The following SARS1 variants were observed in gnomAD, a reference collection of about 807,000 sequenced individuals.
SARS1 encodes serine--tRNA ligase, cytoplasmic.
Under a neutral mutation model 63.7 loss-of-function variants are expected in SARS1, and 25 were observed. The ratio of observed to expected loss-of-function variants is 0.39; its 90% confidence interval spans 0.29 to 0.55. SARS1 has a LOEUF of 0.55. SARS1 is among the 20% of genes least tolerant of loss of function. The pLI is 0.62. For missense variants in SARS1, 417 were observed against 649.7 expected (o/e 0.64, Z 3.89); for synonymous variants, 231 against 243.5 (o/e 0.95, Z 0.48).
chr1:109,231,411 T>C (rs1655208294), intron 5 of SARS1: 6 of 374,376 alleles, frequency 1.6e-5, no homozygotes, highest in Non-Finnish European at 2.8e-5. Flanking sequence ...TCAGGATAAT[T>C]CTCTTAACGG....
intron 2 of SARS1, among the ~76,000 whole-genome samples, chr1:109,225,703 A>G (rs564628221): frequency 1.3e-5 from 2 of 152,208 alleles, no homozygotes; most frequent in Non-Finnish European, 2.9e-5. Flanking sequence ...TGGAGTGCAG[A>G]TAGTACATTT....
In SARS1 at chr1:109,235,448, G is replaced by T; in HGVS notation, c.969+17G>T. ...TTTGAGAAGGTGAGTAGATGGGTCA[G>T]GGTAAGGAGTGGAACTTTCTCTGTC... is the stretch of plus-strand genomic sequence containing the variant. On this transcript the variant is annotated intron_variant, in intron 7 of 10. Transcript: ENST00000234677. This position sits in a 1 kb window ranked among gnomAD's most constrained non-coding sequence, Gnocchi z 4.7. The T allele has an allele frequency of 6.3e-7, 1 of 1,594,596 alleles. No individual in the cohort carries two copies. Among genetic ancestry groups the T allele is most frequent in the East Asian group, 2.2e-5 (1 of 44,712 alleles).
chr1:109,220,669 TTC>T (rs1179750247), intron 1 of SARS1, among the ~76,000 whole-genome samples: 1 of 152,248 alleles, frequency 6.6e-6, no homozygotes, highest in East Asian at 1.9e-4. Flanking sequence ...TGCCTTTTCA[TTC>T]TTTCAGTCTT....
At chr1:109,221,061 CT>C (rs1164086091) in intron 1 of SARS1, among the ~76,000 whole-genome samples, 236 of 139,080 alleles carry the variant, frequency 1.7e-3, no homozygotes, top group Admixed American at 2.5e-3. Flanking sequence ...CTTTTCTTCT[CT>C]TTTTTTTTTT....
In SARS1 at chr1:109,237,584, G is replaced by T; in HGVS notation, c.1388-147G>T. On this transcript the variant is annotated intron_variant, in intron 10 of 10. Transcript: ENST00000234677. This position sits in a 1 kb window ranked among gnomAD's most constrained non-coding sequence, Gnocchi z 4.1. ...TGAAATGCTGCTAAAATTCAGACTA[G>T]GGAAGAAAAGAATAAAGGAAACCAG... 1 of 1,114,348 alleles carries T rather than the reference G, an allele frequency of 9.0e-7. No homozygotes were observed. Among genetic ancestry groups the T allele is most frequent in the East Asian group, 2.5e-5 (1 of 40,142 alleles). 69.0% of individuals were successfully genotyped at this position (1,114,348 alleles called of 1,614,324 possible).
Position 109,221,994 on chromosome 1 carries a change from ATATATATATATATATATTT to A in SARS1, c.137-1982_137-1964del, listed in dbSNP as rs1269737925. On this transcript the variant is annotated intron_variant, in intron 1 of 10. Transcript: ENST00000234677. ...TGTATATATATATATATATATATAT[ATATATATATATATATATTT>A]TTTTTTTTTTTTTTTTTTTTTTTTT... is the stretch of plus-strand genomic sequence containing the variant. Among the ~76,000 whole-genome samples, 92 of 23,512 alleles carry A rather than the reference ATATATATATATATATATTT, an allele frequency of 3.9e-3. 3 individuals carry two copies. Among genetic ancestry groups the A allele is most frequent in the African/African-American group, 0.025 (91 of 3,710 alleles). 15.4% of individuals were successfully genotyped at this position (23,512 alleles called of 152,430 possible).
intron 1 of SARS1, chr1:109,215,604 C>T (rs1039875332): frequency 1.0e-6 from 1 of 982,352 alleles, no homozygotes; most frequent in African/African-American, 1.7e-5. Flanking sequence ...TATTTTCTGT[C>T]TTCAGGGCAC....
intron 5 of SARS1, 58 bp downstream of exon 5, chr1:109,231,079 ATATATT>A: frequency 1.1e-5 from 11 of 976,158 alleles, no homozygotes; most frequent in Non-Finnish European, 1.3e-5. Flanking sequence ...ATATATATAT[ATATATT>A]TTTTTTTTTT....
At chr1:109,221,985 T>C (rs1557715297) in intron 1 of SARS1, among the ~76,000 whole-genome samples, 327 of 7,602 alleles carry the variant, frequency 0.043, 1 homozygote, top group Non-Finnish European at 0.082. Context: ...TATATATATA[T>C]ATATATATAT....
At chr1:109,224,751 A>G (rs1407928840) in intron 2 of SARS1, among the ~76,000 whole-genome samples, 2 of 152,184 alleles carry the variant, frequency 1.3e-5, no homozygotes, top group Non-Finnish European at 2.9e-5. Flanking sequence ...AGAATAGTTC[A>G]TGTTTTTAAC....
At chr1:109,234,500 T>C (rs1045472319) in intron 6 of SARS1, among the ~76,000 whole-genome samples, 1 of 152,160 alleles carries the variant, frequency 6.6e-6, no homozygotes, top group African/African-American at 2.4e-5. Flanking sequence ...TTAAGGATCA[T>C]AACCACTAAC....
intron 1 of SARS1, among the ~76,000 whole-genome samples, chr1:109,222,295 A>G (rs542832280): frequency 1.1e-4 from 17 of 152,108 alleles, no homozygotes; most frequent in Non-Finnish European, 2.4e-4. Flanking sequence ...ATAACATCTT[A>G]TATAACTCTA....
chr1:109,217,555 A>G (rs1206977498), intron 1 of SARS1, among the ~76,000 whole-genome samples: 2 of 149,138 alleles, frequency 1.3e-5, no homozygotes, highest in Non-Finnish European at 3.0e-5. Context: ...ATATAAATAT[A>G]TATATAATTA....
Position 109,236,559 on chromosome 1 carries a change from C to T in SARS1, c.1257+11C>T. On this transcript the variant is annotated intron_variant, in intron 9 of 10. Transcript: ENST00000234677. ...AAGATGATGGACAAGGTAGATGGCCCCCAGGGAGGTGGGAAGCAGAGTCTT... is the reference window on the plus strand; with the variant it reads ...AAGATGATGGACAAGGTAGATGGCCTCCAGGGAGGTGGGAAGCAGAGTCTT... The T allele has an allele frequency of 6.3e-7, 1 of 1,596,708 alleles. No individual in the cohort carries two copies. The highest frequency in any genetic ancestry group is 8.6e-7 in the Non-Finnish European group (1 of 1,165,442).
At chr1:109,228,998 C>A (rs1050610066) in intron 3 of SARS1, among the ~76,000 whole-genome samples, 1 of 152,176 alleles carries the variant, frequency 6.6e-6, no homozygotes, top group Non-Finnish European at 1.5e-5. Context: ...TCAGACAAAT[C>A]TCTTACTCCT....
At chr1:109,215,259 G>A (rs1414343473) in intron 1 of SARS1, 1 of 985,314 alleles carries the variant, frequency 1.0e-6, no homozygotes, top group Admixed American at 6.1e-5. Flanking sequence ...ATTTAATTTT[G>A]CCACATTTTT....
At chr1:109,232,182 C>G (rs900166592) in intron 6 of SARS1, among the ~76,000 whole-genome samples, 5 of 152,182 alleles carry the variant, frequency 3.3e-5, no homozygotes, top group Non-Finnish European at 7.3e-5. Flanking sequence ...TGTCCTCCCA[C>G]TCCTAACCCC....
intron 1 of SARS1, among the ~76,000 whole-genome samples, chr1:109,221,846 G>C (rs1364887350): frequency 6.7e-6 from 1 of 150,212 alleles, no homozygotes. Flanking sequence ...TTGAGATAGA[G>C]TCTTGTTCTG....
chr1:109,235,264 C>T lies in SARS1; in HGVS notation c.802C>T (p.Leu268=). The change falls in exon 7 of 11, where the codon CTG becomes TTG. Residue 268 remains leucine (L), a synonymous_variant. Coordinates refer to ENST00000234677, the MANE Select transcript of SARS1 (RefSeq NM_006513.4). This position sits in a 1 kb window ranked among gnomAD's most constrained non-coding sequence, Gnocchi z 4.7. ...SDDNSYDEKY[L]IATSEQPIAA... is the part of the protein sequence containing the mutation. ...TGACAACTCCTATGATGAGAAGTAC[C>T]TGATTGCCACCTCAGAGCAGCCCAT... 1 of 1,614,088 alleles carries T rather than the reference C, an allele frequency of 6.2e-7. No individual in the cohort carries two copies. The highest frequency in any genetic ancestry group is 1.7e-5 in the Admixed American group (1 of 60,008).
Sources: allele counts gnomAD v4.1 joint callset (sites outside exome capture counted in the v4.1 genomes callset), GRCh38; gene constraint gnomAD v4.1.1; non-coding constraint Gnocchi (gnomAD v3.1); transcripts MANE v1.5; gene names NCBI Gene and HGNC (gene_info 2026-07-23, HGNC 2026-07-21).